The following SAMD12 variants were observed in gnomAD, a reference collection of about 807,000 sequenced individuals.
SAMD12 encodes sterile alpha motif domain containing 12, also known as sterile alpha motif domain-containing protein 12.
In SAMD12, 9 loss-of-function variants were observed where a neutral mutation model predicts 15.0. The ratio of observed to expected loss-of-function variants is 0.60; its 90% confidence interval spans 0.36 to 1.05. SAMD12 has a LOEUF of 1.05. SAMD12 is among the 50% of genes least tolerant of loss of function. SAMD12 has a pLI of 0.01. For missense variants in SAMD12, 230 were observed against 234.2 expected, an observed-to-expected ratio of 0.98 and a Z score of 0.12; for synonymous variants, 86 against 90.1, an observed-to-expected ratio of 0.96 and a Z score of 0.25.
At chr8:118,247,910 T>C (rs766524944) in intron 4 of SAMD12, among the ~76,000 whole-genome samples, 1 of 152,018 alleles carries the variant, frequency 6.6e-6, no homozygotes, top group Non-Finnish European at 1.5e-5. Context: ...TTAAGACAGA[T>C]TAAAATGGGA....
At chr8:118,222,139 G>C (rs941189352) in intron 4 of SAMD12, among the ~76,000 whole-genome samples, 2 of 152,180 alleles carry the variant, frequency 1.3e-5, no homozygotes, top group Non-Finnish European at 2.9e-5. Context: ...GAAAAGACAG[G>C]AGGACCTCAA....
At chr8:118,620,903 AT>A (rs2131334328) in intron 1 of SAMD12, 2 of 152,344 alleles carry the variant, frequency 1.3e-5, no homozygotes, top group Non-Finnish European at 2.9e-5. Context: ...TCCCACAATC[AT>A]TTCATCATTC....
chr8:118,458,625 T>C (rs1337289746), intron 2 of SAMD12, among the ~76,000 whole-genome samples: 1 of 152,236 alleles, frequency 6.6e-6, no homozygotes, highest in Admixed American at 6.5e-5. Flanking sequence ...ATTATTTTTC[T>C]GTACCTTTTA....
intron 4 of SAMD12, among the ~76,000 whole-genome samples, chr8:118,343,334 G>A (rs1817466113): frequency 1.3e-5 from 2 of 151,800 alleles, no homozygotes; most frequent in Non-Finnish European, 2.9e-5. Context: ...AGAAAATCTG[G>A]TGGAAAAAAT....
the SAMD12 span, among the ~76,000 whole-genome samples, chr8:118,132,945 T>G: frequency 7.5e-6 from 1 of 133,314 alleles, no homozygotes; most frequent in Non-Finnish European, 1.6e-5. Context: ...AGATGATTCT[T>G]ATGGTAGCTA....
chr8:118,422,149 C>A (rs888350883), intron 3 of SAMD12, among the ~76,000 whole-genome samples: 2 of 152,146 alleles, frequency 1.3e-5, no homozygotes, highest in African/African-American at 2.4e-5. Flanking sequence ...CTAAGACTAT[C>A]AAAGGAAGAA....
At chr8:118,428,121 GTCT>G (rs1822289271) in intron 3 of SAMD12, among the ~76,000 whole-genome samples, 1 of 152,136 alleles carries the variant, frequency 6.6e-6, no homozygotes, top group African/African-American at 2.4e-5. Flanking sequence ...TTATTGGGTT[GTCT>G]TCTTGAGTTT....
At chr8:118,571,850 G>C (rs1827021124) in intron 2 of SAMD12, among the ~76,000 whole-genome samples, 2 of 152,210 alleles carry the variant, frequency 1.3e-5, no homozygotes, top group Non-Finnish European at 2.9e-5. Context: ...GTGAGGAAGG[G>C]AAATGTGGGG....
intron 4 of SAMD12, among the ~76,000 whole-genome samples, chr8:118,224,812 G>C (rs1812153535): frequency 6.6e-6 from 1 of 152,216 alleles, no homozygotes; most frequent in African/African-American, 2.4e-5. Flanking sequence ...GCCAGGAACA[G>C]AGCGCTTCTG....
intron 4 of SAMD12, among the ~76,000 whole-genome samples, chr8:118,213,443 C>T (rs994684784): frequency 3.9e-5 from 6 of 152,208 alleles, no homozygotes; most frequent in South Asian, 4.1e-4. Context: ...TCAGCAGCCA[C>T]CGCAGCTGAA....
chr8:118,593,685 C>T (rs1297939062), intron 1 of SAMD12, among the ~76,000 whole-genome samples: 1 of 151,868 alleles, frequency 6.6e-6, no homozygotes, highest in Non-Finnish European at 1.5e-5. Flanking sequence ...TGGGAGAACC[C>T]AATGTTAAAG....
chr8:118,499,225 T>A (rs1452427882), intron 2 of SAMD12, among the ~76,000 whole-genome samples: 2 of 152,190 alleles, frequency 1.3e-5, no homozygotes, highest in African/African-American at 4.8e-5. Flanking sequence ...CTCAAATTGG[T>A]AATTGACTGC....
rs541857086 is a variant in SAMD12, at chr8:118,279,662, G to C, written c.434-81930C>G. Among the ~76,000 whole-genome samples, 36 of 152,314 alleles carry C rather than the reference G, an allele frequency of 2.4e-4. 1 individual carries two copies. The South Asian group carries it at 6.4e-3, about 27-fold the overall frequency. On this transcript the variant is annotated intron_variant, in intron 4 of 4. Transcript: ENST00000409003. ...AATATGCCCACCACTTCCTTGTTTTGACATTGTGGTGTGCATTGTCAGTGC... is the reference window on the plus strand; with the variant it reads ...AATATGCCCACCACTTCCTTGTTTTCACATTGTGGTGTGCATTGTCAGTGC...
chr8:118,303,345 T>G (rs1182121691), intron 4 of SAMD12, among the ~76,000 whole-genome samples: 1 of 152,168 alleles, frequency 6.6e-6, no homozygotes, highest in Non-Finnish European at 1.5e-5. Context: ...TACTGGAGGT[T>G]CTTATAAACA....
intron 2 of SAMD12, among the ~76,000 whole-genome samples, chr8:118,456,810 G>A (rs1823267250): frequency 6.6e-6 from 1 of 152,192 alleles, no homozygotes; most frequent in South Asian, 2.1e-4. Context: ...AAGCCTTTCT[G>A]TCACTGTACA....
intron 2 of SAMD12, among the ~76,000 whole-genome samples, chr8:118,513,937 G>A (rs2131073066): frequency 6.6e-6 from 1 of 152,266 alleles, no homozygotes; most frequent in East Asian, 1.9e-4. Context: ...TTATTTCTTT[G>A]TGGGAATTCA....
At chr8:118,199,000 A>T (rs1819639639) in intron 4 of SAMD12, among the ~76,000 whole-genome samples, 2 of 152,206 alleles carry the variant, frequency 1.3e-5, no homozygotes, top group South Asian at 4.1e-4. Context: ...ATTTAGGTTA[A>T]GTAAATTATG....
At chr8:118,447,294 T>C (rs1478807604) in intron 2 of SAMD12, among the ~76,000 whole-genome samples, 2 of 151,686 alleles carry the variant, frequency 1.3e-5, no homozygotes, top group African/African-American at 2.4e-5. Flanking sequence ...TTCCCCTCAG[T>C]TGAAATCTTT....
chr8:118,151,192 T>C, the SAMD12 span, among the ~76,000 whole-genome samples: 40,413 of 151,992 alleles, frequency 0.27, 5,463 homozygotes, highest in Admixed American at 0.32. Flanking sequence ...TTTCTCTAGC[T>C]GCTTTAAAAA....
Sources: allele counts gnomAD v4.1 joint callset (sites outside exome capture counted in the v4.1 genomes callset), GRCh38; gene constraint gnomAD v4.1.1; transcripts MANE v1.5; gene names NCBI Gene and HGNC (gene_info 2026-07-23, HGNC 2026-07-21).